Variants in PTPRZ1 observed in about 807,000 individuals in gnomAD.
The protein encoded by PTPRZ1 is protein tyrosine phosphatase receptor type Z1.
A neutral mutation model predicts 214.1 loss-of-function variants in PTPRZ1; 82 were observed. The ratio of observed to expected loss-of-function variants is 0.38; its 90% CI spans 0.32 to 0.46. PTPRZ1 has a LOEUF of 0.46. PTPRZ1 is among the 20% of genes least tolerant of loss of function. PTPRZ1 has a pLI of 1.00. For synonymous variants in PTPRZ1, 945 were observed against 987.9 expected (o/e 0.96, Z 0.81); for missense variants, 2,603 against 2,748.7 (o/e 0.95, Z 1.19).
intron 2 of PTPRZ1, among the ~76,000 whole-genome samples, chr7:121,963,751 G>A (rs372394742): frequency 2.9e-4 from 44 of 151,974 alleles, no homozygotes; most frequent in African/African-American, 1.0e-3. Flanking sequence ...CAAATACTGA[G>A]GTTTATTGTG....
At chr7:122,021,933 G>A (rs1328027037) in intron 13 of PTPRZ1, among the ~76,000 whole-genome samples, 1 of 152,112 alleles carries the variant, frequency 6.6e-6, no homozygotes, top group Non-Finnish European at 1.5e-5. Flanking sequence ...ATTATGTGCT[G>A]AATCACAAGA....
At chr7:122,023,593 A>T (rs1373902624) in intron 13 of PTPRZ1, among the ~76,000 whole-genome samples, 1 of 120,984 alleles carries the variant, frequency 8.3e-6, no homozygotes, top group Non-Finnish European at 1.6e-5. Context: ...TATATATATT[A>T]TATGTATAAT....
At chr7:121,913,800 A>G (rs73437144) in intron 1 of PTPRZ1, among the ~76,000 whole-genome samples, 9,179 of 152,242 alleles carry the variant, frequency 0.06, 687 homozygotes, top group African/African-American at 0.18. Context: ...ATTTCAAATT[A>G]TTTAATGTTC....
chr7:121,961,644 T>C (rs1052794267), intron 2 of PTPRZ1, among the ~76,000 whole-genome samples: 3 of 152,244 alleles, frequency 2.0e-5, no homozygotes, highest in African/African-American at 7.2e-5. Flanking sequence ...CCGCTTGGAA[T>C]AGAGGATGCA....
intron 14 of PTPRZ1, among the ~76,000 whole-genome samples, chr7:122,029,189 C>A (rs1166897077): frequency 6.6e-6 from 1 of 151,334 alleles, no homozygotes; most frequent in East Asian, 1.9e-4. Flanking sequence ...TATATGGTTG[C>A]TTGAAATAAT....
intron 2 of PTPRZ1, among the ~76,000 whole-genome samples, chr7:121,928,668 A>G (rs1795837573): frequency 6.6e-6 from 1 of 152,226 alleles, no homozygotes; most frequent in Non-Finnish European, 1.5e-5. Context: ...TCATTTAACA[A>G]ATATTGATGG....
intron 3 of PTPRZ1, among the ~76,000 whole-genome samples, chr7:121,969,964 G>T (rs563617648): frequency 2.1e-5 from 2 of 94,546 alleles, no homozygotes; most frequent in South Asian, 3.5e-4. Context: ...CCCCCACCCC[G>T]CAACAGGCCC....
At position 122,011,513 on chromosome 7, in the gene PTPRZ1, T is replaced by C; in HGVS notation, c.2467T>C (p.Ser823Pro). 6.2e-7 allele frequency: 1 copy of C among 1,614,074 alleles called. No individual in the cohort carries two copies. The highest frequency in any genetic ancestry group is 8.5e-7 in the Non-Finnish European group (1 of 1,179,916). ...SYDGAPLLPF[S>P]SASFSSELFR... ...TGATGGTGCACCTTTGCTTCCATTT[T>C]CCTCTGCTTCCTTCAGTAGTGAATT... The change falls in exon 12 of 30, where the codon TCC becomes CCC. Residue 823 changes from serine to proline, a missense_variant. Physicochemically the swap from Ser to Pro is moderately conservative, Grantham distance 74. Transcript: ENST00000393386.
At chr7:121,888,269 T>C (rs995233675) in intron 1 of PTPRZ1, among the ~76,000 whole-genome samples, 1 of 151,844 alleles carries the variant, frequency 6.6e-6, no homozygotes, top group East Asian at 1.9e-4. Flanking sequence ...TTCTTTGGGC[T>C]GCTGACATTG....
intron 1 of PTPRZ1, among the ~76,000 whole-genome samples, chr7:121,883,002 A>G (rs1411413121): frequency 1.3e-5 from 2 of 152,200 alleles, no homozygotes; most frequent in African/African-American, 4.8e-5. Context: ...AATCAGAGAA[A>G]TATCCAGGAA....
chr7:121,910,531 A>G (rs1487104694), intron 1 of PTPRZ1, among the ~76,000 whole-genome samples: 1 of 152,084 alleles, frequency 6.6e-6, no homozygotes, highest in African/African-American at 2.4e-5. Flanking sequence ...TTTTATTTTA[A>G]TGAGCTATTC....
intron 6 of PTPRZ1, among the ~76,000 whole-genome samples, chr7:121,982,237 C>T (rs1416575465): frequency 6.6e-6 from 1 of 152,094 alleles, no homozygotes; most frequent in African/African-American, 2.4e-5. Context: ...CCATTGTTCT[C>T]TTCATCGATC....
intron 1 of PTPRZ1, among the ~76,000 whole-genome samples, chr7:121,883,014 G>C (rs1794289700): frequency 6.6e-6 from 1 of 152,118 alleles, no homozygotes; most frequent in Non-Finnish European, 1.5e-5. Context: ...ATCCAGGAAG[G>C]AAAAGAGAAG....
Position 122,058,855 on chromosome 7 carries a change from A to T in PTPRZ1, c.6584A>T (p.Asp2195Val). ...HFQCPKWPNPDSPISKTFELI... is the reference protein window; with the variant it reads ...HFQCPKWPNPVSPISKTFELI... The stretch of plus-strand genomic sequence containing the variant: ...CAGTGTCCTAAATGGCCAAATCCAG[A>T]TAGCCCCATTAGTAAAACTTTTGAA... Residue 2195 changes from aspartate to valine, a missense_variant, in exon 28 of 30, where the codon GAT (aspartate) becomes GTT (valine). Physicochemically the swap from Asp to Val is radical, Grantham distance 152. Around this residue, in one of 6 missense-constraint regions of PTPRZ1, gnomAD observed 165 missense variants for 151.4 expected, o/e 1.09. Transcript: ENST00000393386. 6.3e-7 allele frequency: 1 copy of T among 1,599,278 alleles called. No individual in the cohort carries two copies. The highest frequency in any genetic ancestry group is 1.7e-5 in the Admixed American group (1 of 59,952).
In PTPRZ1 at chr7:122,044,564, T is replaced by A. The variant is rs1198123546; in HGVS notation, c.6080T>A (p.Phe2027Tyr). ...GGCAAAACAAAGCTAGAGAAACAAT[T>A]CCAGGTGAGTCCTCTTGGAAGCCTC... is the stretch of plus-strand genomic sequence containing the variant. ...PAGKTKLEKQFQLLSQSNIQQ... is the reference protein window; with the variant it reads ...PAGKTKLEKQYQLLSQSNIQQ... Residue 2027 changes from phenylalanine (F) to tyrosine (Y), a missense_variant, in exon 23 of 30, where the codon TTC becomes TAC. By Grantham distance (22) the Phe-to-Tyr change is conservative. This residue lies in a region of PTPRZ1 where 1,913 missense variants were observed against 1,914.3 expected (regional missense o/e 1.00). Coordinates refer to ENST00000393386, the MANE Select transcript of PTPRZ1 (RefSeq NM_002851.3). The A allele has an allele frequency of 6.2e-7, 1 of 1,613,216 alleles. No homozygotes were observed. Among genetic ancestry groups the A allele is most frequent in the Non-Finnish European group, 8.5e-7 (1 of 1,179,584 alleles).
chr7:122,021,841 G>A lies in PTPRZ1; in HGVS notation c.4988+2573G>A, dbSNP rs751241061. ...TACTTATTTTGAAATGTTAAGTAGT[G>A]TTAGATATCTGACCTACTAACATCT... On this transcript the variant is annotated intron_variant, in intron 13 of 29. Transcript: ENST00000393386. Among the ~76,000 whole-genome samples the A allele has an allele frequency of 6.4e-4, 97 of 152,164 alleles. 1 individual carries two copies. Among genetic ancestry groups the A allele is most frequent in the Admixed American group, 3.4e-3 (52 of 15,260 alleles).
At chr7:121,978,701 A>T (rs995206953) in intron 6 of PTPRZ1, among the ~76,000 whole-genome samples, 6 of 152,170 alleles carry the variant, frequency 3.9e-5, no homozygotes, top group Non-Finnish European at 7.3e-5. Context: ...GCTAAACCAT[A>T]TCACCACTAT....
Position 122,040,968 on chromosome 7 carries a change from C to T in PTPRZ1, c.5790C>T (p.Val1930=), listed in dbSNP as rs770310289. ...YAKRHAVGPV[V]VHCSAGVGRT... is the part of the protein sequence containing the mutation. The stretch of plus-strand genomic sequence containing the variant: ...AGCGCCATGCAGTGGGGCCTGTTGT[C>T]GTCCACTGCAGGTGAGTCTCAGAGA... The change falls in exon 21 of 30, where the codon GTC becomes GTT. Residue 1930 remains valine (V), a synonymous_variant. Transcript: ENST00000393386. 1.2e-5 allele frequency: 19 copies of T among 1,557,144 alleles called. No homozygotes were observed. Among genetic ancestry groups the T allele is most frequent in the East Asian group, 2.3e-5 (1 of 43,744 alleles).
chr7:122,013,329 ATG>A lies in PTPRZ1; in HGVS notation c.4284_4285del (p.Asp1428GlufsTer2). The A allele has an allele frequency of 6.2e-7, 1 of 1,614,096 alleles. No homozygotes were observed. The highest frequency in any genetic ancestry group is 8.5e-7 in the Non-Finnish European group (1 of 1,179,966). On this transcript the variant is annotated frameshift_variant, in exon 12 of 30. Transcript: ENST00000393386. LOFTEE classifies it high-confidence loss of function. ...GACACTGATGATGATGGTGATGATG[ATG>A]ATGATGACAGAGGTAGTGATGGCTT...
Sources: gnomAD v4.1 joint callset for allele counts (sites outside exome capture counted in the v4.1 genomes callset) on GRCh38, gnomAD v4.1.1 for gene constraint, gnomAD v4.1.1 regional missense constraint, MANE v1.5 for transcripts, NCBI Gene and HGNC (gene_info 2026-07-23, HGNC 2026-07-21) for gene names.